Variants in UBASH3B observed in about 807,000 individuals in gnomAD.
The protein encoded by UBASH3B is ubiquitin associated and SH3 domain containing B, also known as ubiquitin-associated and SH3 domain-containing protein B.
Under a neutral mutation model 83.4 loss-of-function variants are expected in UBASH3B, and 37 were observed. That is an observed-to-expected ratio of 0.44 (90% CI 0.34 to 0.58). The LOEUF (loss-of-function observed/expected upper bound fraction) is 0.58. UBASH3B is among the 20% of genes least tolerant of loss of function. UBASH3B has a pLI of 0.01. For missense variants in UBASH3B, 657 were observed against 827.2 expected (o/e 0.79, Z 2.52); for synonymous variants, 304 against 318.3 (o/e 0.96, Z 0.48).
At chr11:122,801,813 T>A (rs1221850223) in intron 11 of UBASH3B, among the ~76,000 whole-genome samples, 1 of 152,236 alleles carries the variant, frequency 6.6e-6, no homozygotes, top group African/African-American at 2.4e-5. Context: ...ATAACTTGCC[T>A]AAAGGTATTT....
intron 1 of UBASH3B, among the ~76,000 whole-genome samples, chr11:122,660,611 A>T (rs546810670): frequency 2.0e-5 from 3 of 152,292 alleles, no homozygotes; most frequent in African/African-American, 7.2e-5. Flanking sequence ...GAGCACTGTC[A>T]TCCCCCTGCT....
intron 1 of UBASH3B, among the ~76,000 whole-genome samples, chr11:122,708,975 G>A (rs1299795080): frequency 1.3e-5 from 2 of 152,130 alleles, no homozygotes; most frequent in Non-Finnish European, 2.9e-5. Flanking sequence ...GGTCAGGTAC[G>A]GTGGTGCATG....
rs1471931788 is a variant in UBASH3B at position 122,685,192 on chromosome 11, G to A, written c.161+28982G>A. ...ATGGTGAAAGTCCATTGTACCTTCA[G>A]TGGAAGGACAACTTGCCTTGTTTTT... On this transcript the variant is annotated intron_variant, in intron 1 of 13. Transcript: ENST00000284273. Among the ~76,000 whole-genome samples, 5 of 152,180 alleles carry A rather than the reference G, an allele frequency of 3.3e-5. No homozygotes were observed. In the South Asian group the frequency reaches 8.3e-4, roughly 25 times the overall value.
chr11:122,688,350 G>A (rs1863834390), intron 1 of UBASH3B, among the ~76,000 whole-genome samples: 1 of 151,306 alleles, frequency 6.6e-6, no homozygotes, highest in Admixed American at 6.6e-5. Context: ...TGTAACCTCC[G>A]CCTCCCTGAT....
Position 122,682,117 on chromosome 11 carries a change from C to T in UBASH3B, c.161+25907C>T, listed in dbSNP as rs117026719. Among the ~76,000 whole-genome samples, 325 of 152,310 alleles carry T rather than the reference C, an allele frequency of 2.1e-3. 1 individual carries two copies. Among genetic ancestry groups the T allele is most frequent in the Non-Finnish European group, 3.1e-3 (214 of 68,034 alleles). On this transcript the variant is annotated intron_variant, in intron 1 of 13. Coordinates refer to ENST00000284273, the MANE Select transcript of UBASH3B (RefSeq NM_032873.5). ...CTCGGAGGGATCACTGCGAGGATAGCGAGTGCAAATTCTCCTCCTGCGTAG... is the reference window on the plus strand; with the variant it reads ...CTCGGAGGGATCACTGCGAGGATAGTGAGTGCAAATTCTCCTCCTGCGTAG...
At chr11:122,694,563 T>A (rs1863937544) in intron 1 of UBASH3B, among the ~76,000 whole-genome samples, 1 of 151,750 alleles carries the variant, frequency 6.6e-6, no homozygotes. Context: ...ATAGCAAGAC[T>A]CTGTCTCTAA....
At chr11:122,669,132 A>T (rs1050587031) in intron 1 of UBASH3B, among the ~76,000 whole-genome samples, 6 of 152,258 alleles carry the variant, frequency 3.9e-5, no homozygotes, top group African/African-American at 4.8e-5. Flanking sequence ...CTCACAAATT[A>T]CTACAAATTC....
At chr11:122,695,320 C>T (rs1338458886) in intron 1 of UBASH3B, among the ~76,000 whole-genome samples, 2 of 152,214 alleles carry the variant, frequency 1.3e-5, no homozygotes, top group Non-Finnish European at 2.9e-5. Flanking sequence ...CCACTCCTGT[C>T]ATCACTCAGT....
Position 122,731,614 on chromosome 11 carries a change from C to A in UBASH3B, c.162-44605C>A, listed in dbSNP as rs147310344. Among the ~76,000 whole-genome samples the A allele has an allele frequency of 4.3e-4, 66 of 152,252 alleles. 1 individual carries two copies. Among genetic ancestry groups the A allele is most frequent in the Middle Eastern group, 3.4e-3 (1 of 294 alleles). ...ATCCACAGCCTGTATCCAGACTAGACAAAGGGATGATTCATGTCCCTAGTG... is the reference window on the plus strand; with the variant it reads ...ATCCACAGCCTGTATCCAGACTAGAAAAAGGGATGATTCATGTCCCTAGTG... On this transcript the variant is annotated intron_variant, in intron 1 of 13. Transcript: ENST00000284273.
chr11:122,684,942 G>A (rs550120503), intron 1 of UBASH3B, among the ~76,000 whole-genome samples: 11 of 152,298 alleles, frequency 7.2e-5, no homozygotes, highest in Non-Finnish European at 1.3e-4. Flanking sequence ...CTTCCAAGCA[G>A]AGGCTAGAAA....
Position 122,735,412 on chromosome 11 carries a change from G to T in UBASH3B, c.162-40807G>T, listed in dbSNP as rs144147608. On this transcript the variant is annotated intron_variant, in intron 1 of 13. Transcript: ENST00000284273. ...CTAAATACACACTCTTCTAGTTAAG[G>T]AAAGAAATGCAATGCTAGATGAACA... Among the ~76,000 whole-genome samples the T allele has an allele frequency of 3.3e-4, 51 of 152,288 alleles. 1 individual carries two copies. The East Asian group carries it at 9.6e-3, about 29-fold the overall frequency.
chr11:122,750,188 C>G (rs772120325), intron 1 of UBASH3B, among the ~76,000 whole-genome samples: 6 of 152,176 alleles, frequency 3.9e-5, no homozygotes, highest in Non-Finnish European at 8.8e-5. Flanking sequence ...TTCCTCAGGC[C>G]GATGCTGCCT....
chr11:122,753,558 G>T (rs1361767216), intron 1 of UBASH3B, among the ~76,000 whole-genome samples: 2 of 146,112 alleles, frequency 1.4e-5, no homozygotes, highest in Admixed American at 1.4e-4. Flanking sequence ...GAGTGAAATG[G>T]CGAACTCAGC....
chr11:122,774,852 C>A (rs1005154778), intron 1 of UBASH3B, among the ~76,000 whole-genome samples: 3 of 152,130 alleles, frequency 2.0e-5, no homozygotes, highest in Non-Finnish European at 2.9e-5. Flanking sequence ...CATCAACGAC[C>A]ACCACGCGCC....
intron 6 of UBASH3B, among the ~76,000 whole-genome samples, chr11:122,793,503 A>T (rs1214837939): frequency 6.6e-6 from 1 of 152,268 alleles, no homozygotes; most frequent in African/African-American, 2.4e-5. Flanking sequence ...GCAAACTGGG[A>T]TGGATGGCTA....
chr11:122,680,624 T>C (rs7114847), intron 1 of UBASH3B, among the ~76,000 whole-genome samples: 140,521 of 152,266 alleles, frequency 0.92, 65,009 homozygotes, highest in African/African-American at 0.98. Context: ...CCACCATGCC[T>C]GGCTAATTTT....
rs545668733 is a variant in UBASH3B at position 122,792,461 on chromosome 11, GGT to G, written c.981-2235_981-2234del. On this transcript the variant is annotated intron_variant, in intron 6 of 13. Coordinates refer to ENST00000284273, the MANE Select transcript of UBASH3B (RefSeq NM_032873.5). ...AGCCCCCCGAGTAGCCAGGACTACA[GGT>G]GTGTGCCACCACGCCCAGCTAATTT... Among the ~76,000 whole-genome samples, 114 of 152,178 alleles carry G rather than the reference GGT, an allele frequency of 7.5e-4. 1 individual carries two copies. The highest frequency in any genetic ancestry group is 4.2e-3 in the South Asian group (20 of 4,808).
chr11:122,785,982 C>T (rs866147809), intron 5 of UBASH3B, among the ~76,000 whole-genome samples: 10 of 152,276 alleles, frequency 6.6e-5, no homozygotes, highest in Middle Eastern at 6.8e-3. Context: ...AGTTCCATCC[C>T]ATTGTAGTAA....
At position 122,759,527 on chromosome 11, in the gene UBASH3B, G is replaced by C. The variant is rs970277725; in HGVS notation, c.162-16692G>C. Among the ~76,000 whole-genome samples the C allele has an allele frequency of 6.6e-6, 1 of 152,204 alleles. No individual in the cohort carries two copies. Among genetic ancestry groups the C allele is most frequent in the Non-Finnish European group, 1.5e-5 (1 of 68,042 alleles). On this transcript the variant is annotated intron_variant, in intron 1 of 13. Coordinates refer to ENST00000284273, the MANE Select transcript of UBASH3B (RefSeq NM_032873.5). The surrounding 1 kb of genome is among the most constrained non-coding windows in gnomAD (Gnocchi z 4.1). Reference sequence around the variant, plus strand: ...ACCAACTCACCATAATGTAGAATGAGTGGGAGCCCTGAGCTTGTTTTCCTG... The same window carrying C: ...ACCAACTCACCATAATGTAGAATGACTGGGAGCCCTGAGCTTGTTTTCCTG...
Sources: allele counts gnomAD v4.1 joint callset (sites outside exome capture counted in the v4.1 genomes callset), GRCh38; gene constraint gnomAD v4.1.1; non-coding constraint Gnocchi (gnomAD v3.1); transcripts MANE v1.5; gene names NCBI Gene and HGNC (gene_info 2026-07-23, HGNC 2026-07-21).